The following ASXL1 variants were observed in gnomAD, a reference collection of about 807,000 sequenced individuals.
The protein encoded by ASXL1 is ASXL transcriptional regulator 1.
A neutral mutation model predicts 89.1 loss-of-function variants in ASXL1; 65 were observed. The ratio of observed to expected loss-of-function variants is 0.73; its 90% CI spans 0.60 to 0.90. The LOEUF (loss-of-function observed/expected upper bound fraction) is 0.90. ASXL1 is among the 40% of genes least tolerant of loss of function. The probability of loss-of-function intolerance (pLI) is 0.00; values close to 1 mark genes in which losing one functional copy is unlikely to be tolerated. For missense variants in ASXL1, 1,786 were observed against 1,942.9 expected (o/e 0.92, Z 1.52); for synonymous variants, 739 against 746.9 (o/e 0.99, Z 0.17).
chr20:32,366,561 T>C, intron 2 of ASXL1, 95 bp downstream of exon 2: 6 of 1,599,926 alleles, frequency 3.8e-6, no homozygotes. Flanking sequence ...TGTGTATGTA[T>C]TTGTGCTTCT....
At chr20:32,379,593 A>T (rs1192005381) in intron 4 of ASXL1, among the ~76,000 whole-genome samples, 1 of 151,606 alleles carries the variant, frequency 6.6e-6, no homozygotes, top group East Asian at 2.0e-4. Context: ...TGGGAGGCTG[A>T]GGTGTGTGGA....
chr20:32,431,201 C>A, intron 8 of ASXL1, 120 bp from the exon 9 acceptor site: 2 of 1,178,536 alleles, frequency 1.7e-6, no homozygotes, highest in Non-Finnish European at 2.5e-6. Context: ...GACAATTGAG[C>A]AGATTGTGTG....
chr20:32,420,040 CTTTT>C (rs35002363), intron 4 of ASXL1, among the ~76,000 whole-genome samples: 1 of 144,604 alleles, frequency 6.9e-6, no homozygotes. Context: ...TTGATTTTTC[CTTTT>C]TTTTTTTTTT....
chr20:32,410,999 TCC>T (rs2123105552), intron 4 of ASXL1, among the ~76,000 whole-genome samples: 3 of 125,850 alleles, frequency 2.4e-5, no homozygotes, highest in Non-Finnish European at 3.2e-5. Context: ...GCCACTGCAC[TCC>T]AGCCTGGGCA....
At chr20:32,372,214 A>C in intron 4 of ASXL1, 1 of 1,347,414 alleles carries the variant, frequency 7.4e-7, no homozygotes, top group Non-Finnish European at 9.8e-7. Context: ...TATATCTTTG[A>C]ATAAACACCA....
At chr20:32,368,024 T>G (rs2048235263) in intron 3 of ASXL1, among the ~76,000 whole-genome samples, 1 of 152,178 alleles carries the variant, frequency 6.6e-6, no homozygotes, top group African/African-American at 2.4e-5. Context: ...CAAGGCAAAA[T>G]AAGTAATAGT....
At position 32,409,536 on chromosome 20, in the gene ASXL1, A is replaced by G. The variant is rs150186702; in HGVS notation, c.253-18592A>G. Reference sequence around the variant, plus strand: ...TTTCATAACCACATTGCAATTATCAATGTCAGAAAATTAATGTTGATATGG... The same window carrying G: ...TTTCATAACCACATTGCAATTATCAGTGTCAGAAAATTAATGTTGATATGG... On this transcript the variant is annotated intron_variant, in intron 4 of 12. Transcript: ENST00000375687. 5.5e-3 allele frequency among the ~76,000 whole-genome samples: 833 copies of G among 152,352 alleles called. 5 individuals are homozygous for G. The highest frequency in any genetic ancestry group is 7.0e-3 in the Non-Finnish European group (474 of 68,044).
chr20:32,428,331 T>G lies in ASXL1; in HGVS notation c.380T>G (p.Leu127Arg). Reference sequence around the variant, plus strand: ...TTATTTTCCTCTCTTCCAGTATCTCTTGATGAAACATCTTCGAACGCATCC... The same window carrying G: ...TTATTTTCCTCTCTTCCAGTATCTCGTGATGAAACATCTTCGAACGCATCC... ...STVSGENDVS[L>R]DETSSNASCS... Residue 127 changes from leucine (L) to arginine (R), a missense_variant, in exon 6 of 13, where the codon CTT (leucine) becomes CGT (arginine). Physicochemically the swap from Leu to Arg is moderately radical, Grantham distance 102. This residue lies in a region of ASXL1 where 332 missense variants were observed against 449.7 expected (regional missense o/e 0.74). Transcript: ENST00000375687. The G allele has an allele frequency of 6.2e-7, 1 of 1,614,186 alleles. No individual in the cohort carries two copies. Among genetic ancestry groups the G allele is most frequent in the Non-Finnish European group, 8.5e-7 (1 of 1,180,012 alleles).
intron 4 of ASXL1, chr20:32,427,625 T>G (rs2011362006): frequency 5.5e-6 from 1 of 182,992 alleles, no homozygotes. Flanking sequence ...AGTTGCTAAT[T>G]TATTTTAAAA....
chr20:32,419,601 G>A (rs572422405), intron 4 of ASXL1, among the ~76,000 whole-genome samples: 158 of 150,918 alleles, frequency 1.0e-3, no homozygotes, highest in African/African-American at 3.6e-3. Flanking sequence ...ACTTACGTTC[G>A]TTTTTGTTAT....
At chr20:32,363,631 A>G (rs1411614244) in intron 1 of ASXL1, among the ~76,000 whole-genome samples, 1 of 152,232 alleles carries the variant, frequency 6.6e-6, no homozygotes, top group African/African-American at 2.4e-5. Context: ...TGTATGTGTT[A>G]TGAAACAATG....
rs1323383472 is a variant in ASXL1 at position 32,358,997 on chromosome 20, C to A, written c.57+165C>A. On this transcript the variant is annotated intron_variant, in intron 1 of 12. Transcript: ENST00000375687. ...GCCCCGCAAGGCGAGGGGTGGGGAG[C>A]GCTCCGCCGGGATGGGATGTGGCGC... The A allele has an allele frequency of 5.3e-6, 4 of 755,330 alleles. No homozygotes were observed. The Admixed American group carries it at 1.2e-4, about 24-fold the overall frequency. 46.8% of individuals were successfully genotyped at this position (755,330 alleles called of 1,614,324 possible).
intron 4 of ASXL1, among the ~76,000 whole-genome samples, chr20:32,406,253 A>T (rs528834819): frequency 6.6e-6 from 1 of 152,150 alleles, no homozygotes; most frequent in South Asian, 2.1e-4. Context: ...TTTTTCCAAC[A>T]ATAATAAATC....
intron 4 of ASXL1, among the ~76,000 whole-genome samples, chr20:32,389,029 C>T (rs947891862): frequency 1.2e-4 from 19 of 152,106 alleles, no homozygotes; most frequent in Admixed American, 1.1e-3. Context: ...TCCCCCACCC[C>T]TCTAGAGTAT....
In ASXL1 at chr20:32,433,306, T is replaced by A. The variant is rs557983754; in HGVS notation, c.1108T>A (p.Ser370Thr). The A allele has an allele frequency of 3.2e-5, 51 of 1,613,732 alleles. No individual in the cohort carries two copies. The South Asian group carries it at 4.8e-4, about 15-fold the overall frequency. ...GQKLGLTKEESLQQNVGQEEA... is the reference protein window; with the variant it reads ...GQKLGLTKEETLQQNVGQEEA... ...CAGGCTGGGTTTGACCAAAGAAGAG[T>A]CATTGCAGCAGAACGTGGGCCAGGA... Residue 370 changes from serine to threonine, a missense_variant, in exon 12 of 13, where the codon TCA (serine) becomes ACA (threonine). Coordinates refer to ENST00000375687, the MANE Select transcript of ASXL1 (RefSeq NM_015338.6).
At chr20:32,359,813 T>G in intron 1 of ASXL1, 1 of 717,874 alleles carries the variant, frequency 1.4e-6, no homozygotes, top group Non-Finnish European at 2.6e-6. Context: ...TCCTTTTGGA[T>G]TACTCCCACA....
At chr20:32,401,104 G>T (rs1259202141) in intron 4 of ASXL1, among the ~76,000 whole-genome samples, 1 of 152,110 alleles carries the variant, frequency 6.6e-6, no homozygotes. Flanking sequence ...CCATAGTATA[G>T]TTATTAAAAC....
At chr20:32,376,451 T>G (rs189064612) in intron 4 of ASXL1, among the ~76,000 whole-genome samples, 289 of 152,034 alleles carry the variant, frequency 1.9e-3, no homozygotes, top group African/African-American at 6.7e-3. Context: ...ATTTTTTGTA[T>G]TTTTAGTAGA....
chr20:32,433,480 C>T lies in ASXL1; in HGVS notation c.1282C>T (p.Gln428Ter), dbSNP rs886041975. The T allele has an allele frequency of 2.5e-6, 4 of 1,614,058 alleles. No individual in the cohort carries two copies. Among genetic ancestry groups the T allele is most frequent in the Non-Finnish European group, 3.4e-6 (4 of 1,180,048 alleles). Residue 428 changes from glutamine to a stop codon, truncating the protein, a stop_gained, in exon 12 of 13, where the codon CAG becomes TAG. Coordinates refer to ENST00000375687, the MANE Select transcript of ASXL1 (RefSeq NM_015338.6). LOFTEE classifies it high-confidence loss of function. ...AGCCAGAAGGAATCTGTACAAAAAA[C>T]AGGAGTCAGAACAAGCAGGGGTTGC... ...TRARRNLYKK[Q>*]ESEQAGVAKD... is the part of the protein sequence containing the mutation.
Sources: gnomAD v4.1 joint callset for allele counts (sites outside exome capture counted in the v4.1 genomes callset) on GRCh38, gnomAD v4.1.1 for gene constraint, gnomAD v4.1.1 regional missense constraint, MANE v1.5 for transcripts, NCBI Gene and HGNC (gene_info 2026-07-23, HGNC 2026-07-21) for gene names.